CHRNE: variants seen among roughly 807,000 people sequenced by gnomAD.
The protein encoded by CHRNE is cholinergic receptor nicotinic epsilon subunit.
In CHRNE, 58 loss-of-function variants were observed where a neutral mutation model predicts 56.5. The ratio of observed to expected loss-of-function variants is 1.03; its 90% CI spans 0.83 to 1.28. The LOEUF (loss-of-function observed/expected upper bound fraction) is 1.28. CHRNE is among the 50% of genes most tolerant of loss of function. The pLI, the probability that CHRNE is intolerant of heterozygous loss-of-function variation, is 0.00. For missense variants in CHRNE, 793 were observed against 688.9 expected, an observed-to-expected ratio of 1.15 and a Z score of -1.69; for synonymous variants, 385 against 297.9, an observed-to-expected ratio of 1.29 and a Z score of -3.01.
At chr17:4,905,082 T>C (rs368024436), upstream of CHRNE, among the ~76,000 whole-genome samples, 4 of 152,336 alleles carry the variant, frequency 2.6e-5, no homozygotes, top group East Asian at 1.9e-4. Flanking sequence ...ACCTACAAAG[T>C]TCCCCCTTAC....
At chr17:4,901,311 A>G (rs1366696352) in intron 6 of CHRNE, 121 bp from the exon 7 acceptor site, 4 of 1,145,586 alleles carry the variant, frequency 3.5e-6, no homozygotes, top group East Asian at 4.9e-5. Context: ...GATGGGGGCA[A>G]TTACGGACAG....
Position 4,902,762 on chromosome 17 carries a change from G to A in CHRNE, c.48C>T (p.Gly16=), listed in dbSNP as rs1298469161. The A allele has an allele frequency of 1.9e-6, 3 of 1,613,914 alleles. No homozygotes were observed. The highest frequency in any genetic ancestry group is 2.2e-5 in the East Asian group (1 of 44,868). Residue 16 remains glycine (G), a splice_region_variant and synonymous_variant, in exon 2 of 12, where the codon GGC becomes GGT. Transcript: ENST00000649488. The surrounding 1 kb of genome is among the most constrained non-coding windows in gnomAD (Gnocchi z 4.0). ...LGVLLLLGLL[G]RGVGKNEELR... ...GTTCCTCGTTCTTCCCCACACCCCT[G>A]CCTGCGATGGGGTCAAGAAGGAAGG...
At chr17:4,901,849 A>T in intron 5 of CHRNE, 83 bp downstream of exon 5, 1 of 1,563,068 alleles carries the variant, frequency 6.4e-7, no homozygotes, top group Non-Finnish European at 8.8e-7. Context: ...CCCCGCCCCG[A>T]GGGCGGTGCT....
At position 4,901,895 on chromosome 17, in the gene CHRNE, A is replaced by C. The variant is rs764476008; in HGVS notation, c.500+37T>G. On this transcript the variant is annotated intron_variant, in intron 5 of 11. Transcript: ENST00000649488. ...CCCCGCCCCATAAGGCCCCCCCCCA[A>C]CAATAATCGTCCGGGCCTCGGAGTA... is the stretch of plus-strand genomic sequence containing the variant. 64 of 1,246,972 alleles carry C rather than the reference A, an allele frequency of 5.1e-5. No individual in the cohort carries two copies. Among genetic ancestry groups the C allele is most frequent in the African/African-American group, 2.3e-4 (13 of 56,924 alleles). 77.2% of individuals were successfully genotyped at this position (1,246,972 alleles called of 1,614,324 possible).
rs566330502 is a variant in CHRNE at position 4,901,675 on chromosome 17, C to G, written c.501-50G>C. ...ACCCCAGAAGCTCTGACCTGGGCCC[C>G]GGCCTCAGGCCCAGCCCTGGAAGCT... On this transcript the variant is annotated intron_variant, in intron 5 of 11. Coordinates refer to ENST00000649488, the MANE Select transcript of CHRNE (RefSeq NM_000080.4). The G allele has an allele frequency of 1.4e-5, 21 of 1,540,334 alleles. No individual in the cohort carries two copies. In the East Asian group the frequency reaches 3.1e-4, roughly 23 times the overall value.
Position 4,899,457 on chromosome 17 carries a change from T to C in CHRNE, c.1032+11A>G. On this transcript the variant is annotated intron_variant, in intron 9 of 11. Coordinates refer to ENST00000649488, the MANE Select transcript of CHRNE (RefSeq NM_000080.4). ...CCCCGACCCGGGCTGCACCGCCCCC[T>C]CCGCGCTTACGTGGCGCAGCCGCGG... The C allele has an allele frequency of 6.3e-7, 1 of 1,575,324 alleles. No individual in the cohort carries two copies. The highest frequency in any genetic ancestry group is 8.6e-7 in the Non-Finnish European group (1 of 1,161,894).
At position 4,901,591 on chromosome 17, in the gene CHRNE, T is replaced by C. The variant is rs748624980; in HGVS notation, c.535A>G (p.Thr179Ala). ...TTGCCGTCGTTGTCTACGGCAAAAGTGAACTCCACCTCTTCGGCATTGTAC... is the reference window on the plus strand; with the variant it reads ...TTGCCGTCGTTGTCTACGGCAAAAGCGAACTCCACCTCTTCGGCATTGTAC... ...QTYNAEEVEF[T>A]FAVDNDGKTI... is the part of the protein sequence containing the mutation. The change falls in exon 6 of 12, where the codon ACT becomes GCT. Residue 179 changes from threonine (T) to alanine (A), a missense_variant. Physicochemically the swap from Thr to Ala is moderately conservative, Grantham distance 58. Transcript: ENST00000649488. The C allele has an allele frequency of 1.9e-6, 3 of 1,614,126 alleles. No individual in the cohort carries two copies. Among genetic ancestry groups the C allele is most frequent in the Admixed American group, 1.7e-5 (1 of 60,022 alleles).
At chr17:4,901,745 G>C in intron 5 of CHRNE, 120 bp from the exon 6 acceptor site, 1 of 1,249,380 alleles carries the variant, frequency 8.0e-7, no homozygotes, top group Non-Finnish European at 1.1e-6. Flanking sequence ...CTTCACCCAA[G>C]CCCAGCCCGC....
rs1597623282 is a variant in CHRNE at position 4,903,066 on chromosome 17, T to G, written c.-3A>C. ...ACCCCAAGCGGAGCCCTTGCCATCC[T>G]GCTGCGTGGTTCTCAGGGTTATTCT... On this transcript the variant is annotated 5_prime_UTR_variant, in exon 1 of 12. Transcript: ENST00000649488. 1 of 1,614,034 alleles carries G rather than the reference T, an allele frequency of 6.2e-7. No homozygotes were observed. The highest frequency in any genetic ancestry group is 2.2e-5 in the East Asian group (1 of 44,872).
intron 9 of CHRNE, 42 bp from the exon 10 acceptor site, chr17:4,899,426 G>T: frequency 6.5e-7 from 1 of 1,548,266 alleles, no homozygotes; most frequent in Non-Finnish European, 8.7e-7. Flanking sequence ...TTAGTACGAA[G>T]CCCCACCCCG....
intron 5 of CHRNE, 39 bp from the exon 6 acceptor site, chr17:4,901,664 G>T: frequency 6.3e-7 from 1 of 1,577,656 alleles, no homozygotes; most frequent in Non-Finnish European, 8.7e-7. Context: ...CAGAAGCTCT[G>T]ACCTGGGCCC....
chr17:4,903,652 G>T (rs1421698320), upstream of CHRNE, among the ~76,000 whole-genome samples: 1 of 152,032 alleles, frequency 6.6e-6, no homozygotes, highest in African/African-American at 2.4e-5. Flanking sequence ...TCATGTAAAG[G>T]ACCCACCTCC....
chr17:4,901,083 G>T lies in CHRNE; in HGVS notation c.709C>A (p.Arg237Ser). Residue 237 changes from arginine (R) to serine (S), a missense_variant, in exon 7 of 12, where the codon CGC (arginine) becomes AGC (serine). Coordinates refer to ENST00000649488, the MANE Select transcript of CHRNE (RefSeq NM_000080.4). ...ATGACGTAGAAGAGCGGCTTCCGGC[G>T]GATGATGAGCGAGTAGATGACGTCA... ...ETDVIYSLIIRRKPLFYVINI... is the reference protein window; with the variant it reads ...ETDVIYSLIISRKPLFYVINI... 1 of 1,613,872 alleles carries T rather than the reference G, an allele frequency of 6.2e-7. No individual in the cohort carries two copies. The highest frequency in any genetic ancestry group is 1.3e-5 in the African/African-American group (1 of 75,050).
chr17:4,904,006 T>C (rs973904653), upstream of CHRNE, among the ~76,000 whole-genome samples: 2 of 152,066 alleles, frequency 1.3e-5, no homozygotes, highest in African/African-American at 2.4e-5. Flanking sequence ...TACAGGCGCA[T>C]GCCACCATGC....
intron 8 of CHRNE, 200 bp downstream of exon 8, chr17:4,900,593 T>G: frequency 6.5e-7 from 1 of 1,541,516 alleles, no homozygotes; most frequent in Non-Finnish European, 8.8e-7. Flanking sequence ...AGAGAGCTAC[T>G]CGGGAGACCT....
At chr17:4,907,590 A>AAAAAT (rs386627263), upstream of CHRNE, among the ~76,000 whole-genome samples, 8,516 of 124,414 alleles carry the variant, frequency 0.068, 340 homozygotes, top group Non-Finnish European at 0.085. Context: ...AAAAAAAAAA[A>AAAAAT]CACTCTCAGC....
rs1226276974 is a variant in CHRNE, at chr17:4,899,301, C to T, written c.1116G>A (p.Ala372=). The change falls in exon 10 of 12, where the codon GCG becomes GCA. Residue 372 remains alanine, a synonymous_variant. Coordinates refer to ENST00000649488, the MANE Select transcript of CHRNE (RefSeq NM_000080.4). Reference sequence around the variant, plus strand: ...CGCGGAGCAATAAGCCCACCGACGACGCCCGCCTTGGGGGCGAGGCGGCCC... The same window carrying T: ...CGCGGAGCAATAAGCCCACCGACGATGCCCGCCTTGGGGGCGAGGCGGCCC... ...APRAASPPRR[A]SSVGLLLRAE... The T allele has an allele frequency of 1.3e-6, 2 of 1,591,986 alleles. No homozygotes were observed. Among genetic ancestry groups the T allele is most frequent in the Non-Finnish European group, 1.7e-6 (2 of 1,174,982 alleles).
In CHRNE at chr17:4,902,633, A is replaced by T; in HGVS notation, c.177T>A (p.Asn59Lys). The T allele has an allele frequency of 6.2e-7, 1 of 1,613,888 alleles. No homozygotes were observed. Among genetic ancestry groups the T allele is most frequent in the Non-Finnish European group, 8.5e-7 (1 of 1,179,936 alleles). Residue 59 changes from asparagine (N) to lysine (K), a missense_variant, in exon 2 of 12, where the codon AAT (asparagine) becomes AAA (lysine). Coordinates refer to ENST00000649488, the MANE Select transcript of CHRNE (RefSeq NM_000080.4). This position sits in a 1 kb window ranked among gnomAD's most constrained non-coding sequence, Gnocchi z 4.0. ...VTISLKVTLT[N>K]LISLNEKEET... ...GGGGGTAGCTTACCAGTGAGATGAG[A>T]TTCGTCAGGGTGACCTTGAGGCTGA...
chr17:4,902,569 T>C lies in CHRNE; in HGVS notation c.189+52A>G, dbSNP rs918961215. On this transcript the variant is annotated intron_variant, in intron 2 of 11. Transcript: ENST00000649488. This position sits in a 1 kb window ranked among gnomAD's most constrained non-coding sequence, Gnocchi z 4.0. ...TGAGCTTTAGGACAGAGCTCAGCGG[T>C]TGGGGCCAGAAGTGGGATTTTTGGC... The C allele has an allele frequency of 8.1e-6, 13 of 1,613,894 alleles. No individual in the cohort carries two copies. Among genetic ancestry groups the C allele is most frequent in the Middle Eastern group, 3.3e-4 (2 of 6,084 alleles).
Sources: gnomAD v4.1 joint callset for allele counts (sites outside exome capture counted in the v4.1 genomes callset) on GRCh38, gnomAD v4.1.1 for gene constraint, Gnocchi (gnomAD v3.1) non-coding constraint, MANE v1.5 for transcripts, NCBI Gene and HGNC (gene_info 2026-07-23, HGNC 2026-07-21) for gene names.